The following ZBTB26 variants were observed in gnomAD, a reference collection of about 807,000 sequenced individuals.
ZBTB26 encodes zinc finger and BTB domain containing 26.
ZBTB26 carries 12 observed loss-of-function variants against 31.6 expected under a neutral mutation model. That is an observed-to-expected ratio of 0.38 (90% CI 0.24 to 0.61). The LOEUF (loss-of-function observed/expected upper bound fraction) is 0.61, where lower values mean the gene tolerates loss of function less well. ZBTB26 is among the 20% of genes least tolerant of loss of function. ZBTB26 has a pLI of 0.60. For synonymous variants in ZBTB26, 155 were observed against 182.9 expected (o/e 0.85, Z 1.23); for missense variants, 311 against 521.9 (o/e 0.60, Z 3.94).
chr9:122,921,127 A>G (rs1442075835), intron 1 of ZBTB26, among the ~76,000 whole-genome samples: 1 of 152,208 alleles, frequency 6.6e-6, no homozygotes, highest in Non-Finnish European at 1.5e-5. Flanking sequence ...CTGTCTGCAT[A>G]CTGATTCCTT....
In ZBTB26 at chr9:122,931,138, C is replaced by T. The variant is rs76749654; in HGVS notation, c.-11+299G>A. 903 of 152,468 alleles carry T rather than the reference C, an allele frequency of 5.9e-3. 13 individuals are homozygous for T. Among genetic ancestry groups the T allele is most frequent in the Middle Eastern group, 0.017 (5 of 294 alleles). The allele number at this position is 152,468 out of a possible 1,614,324, so 9.4% of individuals were successfully genotyped here. ...GAGGCTCGTTTTCTTAGGGCCTCAC[C>T]TCTGGCACTTCTTATAAGATGCCAG... On this transcript the variant is annotated intron_variant, in intron 1 of 1. Coordinates refer to ENST00000373656, the MANE Select transcript of ZBTB26 (RefSeq NM_020924.4).
chr9:122,921,622 T>C (rs886211398), intron 1 of ZBTB26, among the ~76,000 whole-genome samples: 2 of 152,194 alleles, frequency 1.3e-5, no homozygotes, highest in Non-Finnish European at 2.9e-5. Flanking sequence ...ATGATACTTG[T>C]TTCCTTAGTT....
rs1833076911 is a variant in ZBTB26 at position 122,920,323 on chromosome 9, A to G, written c.-10-379T>C. Among the ~76,000 whole-genome samples, 2 of 152,222 alleles carry G rather than the reference A, an allele frequency of 1.3e-5. 1 individual carries two copies. Among genetic ancestry groups the G allele is most frequent in the South Asian group, 4.1e-4 (2 of 4,834 alleles). Reference sequence around the variant, plus strand: ...CATAACCCACACAAGTAAAGATGAAATAATTATCTTATTTTATATAAAACT... The same window carrying G: ...CATAACCCACACAAGTAAAGATGAAGTAATTATCTTATTTTATATAAAACT... On this transcript the variant is annotated intron_variant, in intron 1 of 1. Coordinates refer to ENST00000373656, the MANE Select transcript of ZBTB26 (RefSeq NM_020924.4).
chr9:122,927,723 T>C (rs1299253549), intron 1 of ZBTB26, among the ~76,000 whole-genome samples: 1 of 152,182 alleles, frequency 6.6e-6, no homozygotes. Flanking sequence ...TCTTGAAAAA[T>C]TTTTGAAGAT....
chr9:122,926,710 G>A (rs1457599282), intron 1 of ZBTB26, among the ~76,000 whole-genome samples: 1 of 152,074 alleles, frequency 6.6e-6, no homozygotes, highest in African/African-American at 2.4e-5. Flanking sequence ...AGACTTAAAT[G>A]GCAAGCATAT....
At chr9:122,927,957 C>A (rs1833208400) in intron 1 of ZBTB26, among the ~76,000 whole-genome samples, 1 of 152,008 alleles carries the variant, frequency 6.6e-6, no homozygotes, top group Non-Finnish European at 1.5e-5. Context: ...GCCTCAGCCT[C>A]CTGAGTAGCT....
chr9:122,925,276 A>G (rs571427086), intron 1 of ZBTB26, among the ~76,000 whole-genome samples: 1 of 152,230 alleles, frequency 6.6e-6, no homozygotes, highest in Non-Finnish European at 1.5e-5. Flanking sequence ...GGGAGGCTGA[A>G]TGGGAGGATG....
In ZBTB26 at chr9:122,919,415, C is replaced by T; in HGVS notation, c.520G>A (p.Asp174Asn). Residue 174 changes from aspartate (D) to asparagine (N), a missense_variant, in exon 2 of 2, where the codon GAT becomes AAT. This residue lies in a region of ZBTB26 where 207 missense variants were observed against 298.6 expected (regional missense o/e 0.69). Coordinates refer to ENST00000373656, the MANE Select transcript of ZBTB26 (RefSeq NM_020924.4). This position sits in a 1 kb window ranked among gnomAD's most constrained non-coding sequence, Gnocchi z 6.1. ...PCIHPSEDSM[D>N]MEDSDIQIVK... ...ATCTGAATATCACTGTCCTCCATAT[C>T]CATACTGTCTTCAGATGGATGAATA... is the stretch of plus-strand genomic sequence containing the variant. 1.2e-6 allele frequency: 2 copies of T among 1,614,180 alleles called. No individual in the cohort carries two copies. Among genetic ancestry groups the T allele is most frequent in the Non-Finnish European group, 1.7e-6 (2 of 1,180,036 alleles).
chr9:122,928,496 T>C (rs150778255), intron 1 of ZBTB26, among the ~76,000 whole-genome samples: 255 of 152,330 alleles, frequency 1.7e-3, no homozygotes, highest in African/African-American at 5.4e-3. Flanking sequence ...TGAACTGTTA[T>C]GTGGAAGTGG....
In ZBTB26 at chr9:122,918,543, T is replaced by A; in HGVS notation, c.*66A>T. The A allele has an allele frequency of 6.5e-7, 1 of 1,544,382 alleles. No homozygotes were observed. The highest frequency in any genetic ancestry group is 8.7e-7 in the Non-Finnish European group (1 of 1,150,560). On this transcript the variant is annotated 3_prime_UTR_variant, in exon 2 of 2. Coordinates refer to ENST00000373656, the MANE Select transcript of ZBTB26 (RefSeq NM_020924.4). ...GGAGAAGTCAAACTAGCAAAATCAC[T>A]CCTAAAAAGACTAAGACTATTGCCA...
intron 1 of ZBTB26, among the ~76,000 whole-genome samples, chr9:122,928,153 A>G (rs1267568710): frequency 1.3e-5 from 2 of 152,262 alleles, no homozygotes; most frequent in East Asian, 3.9e-4. Flanking sequence ...CATTTTAAAA[A>G]CAATACTTCT....
rs142023388 is a variant in ZBTB26, at chr9:122,919,310, T to G, written c.625A>C (p.Thr209Pro). Residue 209 changes from threonine (T) to proline (P), a missense_variant, in exon 2 of 2, where the codon ACT becomes CCT. Around this residue, in one of 5 missense-constraint regions of ZBTB26, gnomAD observed 207 missense variants for 298.6 expected, o/e 0.69. Coordinates refer to ENST00000373656, the MANE Select transcript of ZBTB26 (RefSeq NM_020924.4). The surrounding 1 kb of genome is among the most constrained non-coding windows in gnomAD (Gnocchi z 6.1). ...TGGGGCTCTGATGAATGTAAAGCAG[T>G]GGGTTCAGAAGAAATAAACTGGTTC... ...DQNQFISSEP[T>P]ALHSSEPQHS... The G allele has an allele frequency of 1.9e-6, 3 of 1,614,186 alleles. No homozygotes were observed. Among genetic ancestry groups the G allele is most frequent in the South Asian group, 2.2e-5 (2 of 91,080 alleles).
At chr9:122,922,345 G>C (rs934791492) in intron 1 of ZBTB26, among the ~76,000 whole-genome samples, 1 of 152,102 alleles carries the variant, frequency 6.6e-6, no homozygotes, top group Non-Finnish European at 1.5e-5. Flanking sequence ...GAGTAGAATT[G>C]TCTCTTCTGG....
At chr9:122,927,002 A>G (rs772730816) in intron 1 of ZBTB26, among the ~76,000 whole-genome samples, 2 of 152,236 alleles carry the variant, frequency 1.3e-5, no homozygotes, top group African/African-American at 2.4e-5. Flanking sequence ...TAACTGAAGG[A>G]AAGTAAAGAA....
Position 122,917,107 on chromosome 9 carries a change from C to T in ZBTB26, c.*1502G>A, listed in dbSNP as rs945988638. The T allele has an allele frequency of 6.6e-6, 1 of 152,138 alleles. No individual in the cohort carries two copies. The highest frequency in any genetic ancestry group is 6.6e-5 in the Admixed American group (1 of 15,266). The allele number at this position is 152,138 out of a possible 1,614,324, so 9.4% of individuals were successfully genotyped here. A position where few individuals can be genotyped will look rare whatever the true frequency, so the allele number is the denominator to read the frequency against. On this transcript the variant is annotated 3_prime_UTR_variant, in exon 2 of 2. Coordinates refer to ENST00000373656, the MANE Select transcript of ZBTB26 (RefSeq NM_020924.4). ...AAAATAATTAATATAAATCCCTCTG[C>T]GATATTTTGTTGGCAAAATTCAGGT...
At chr9:122,921,258 A>T (rs1833093612) in intron 1 of ZBTB26, among the ~76,000 whole-genome samples, 1 of 152,224 alleles carries the variant, frequency 6.6e-6, no homozygotes, top group South Asian at 2.1e-4. Flanking sequence ...TTGCCATGCC[A>T]ACACGATAAT....
intron 1 of ZBTB26, among the ~76,000 whole-genome samples, chr9:122,922,053 C>A (rs941791956): frequency 2.6e-5 from 4 of 151,074 alleles, no homozygotes; most frequent in African/African-American, 9.8e-5. Flanking sequence ...GCCTGGCCAA[C>A]ATAGTGAAAC....
intron 1 of ZBTB26, among the ~76,000 whole-genome samples, chr9:122,924,053 G>A (rs149731980): frequency 4.6e-5 from 7 of 152,306 alleles, no homozygotes; most frequent in Admixed American, 4.6e-4. Context: ...TTTGCATTAA[G>A]TATACTCCGT....
At chr9:122,920,718 G>T (rs1833083437) in intron 1 of ZBTB26, among the ~76,000 whole-genome samples, 1 of 152,166 alleles carries the variant, frequency 6.6e-6, no homozygotes, top group African/African-American at 2.4e-5. Flanking sequence ...TCTTTATAAA[G>T]AAAATAAGAT....
Sources: allele counts gnomAD v4.1 joint callset (sites outside exome capture counted in the v4.1 genomes callset), GRCh38; gene constraint gnomAD v4.1.1; regional missense constraint gnomAD v4.1.1; non-coding constraint Gnocchi (gnomAD v3.1); transcripts MANE v1.5; gene names NCBI Gene and HGNC (gene_info 2026-07-23, HGNC 2026-07-21).